The following ARMH1 variants were observed in gnomAD, a reference collection of about 807,000 sequenced individuals.
ARMH1 encodes the protein armadillo-like helical domain containing protein 1.
A neutral mutation model predicts 50.2 loss-of-function variants in ARMH1; 34 were observed. The observed-to-expected ratio is 0.68, with a 90% CI of 0.51 to 0.90. The LOEUF is 0.90. ARMH1 is among the 40% of genes least tolerant of loss of function. The pLI is 0.00. For synonymous variants in ARMH1, 221 were observed against 224.2 expected, an observed-to-expected ratio of 0.99 and a Z score of 0.13; for missense variants, 538 against 553.9, an observed-to-expected ratio of 0.97 and a Z score of 0.29.
intron 6 of ARMH1, among the ~76,000 whole-genome samples, chr1:44,708,441 G>A (rs915311079): frequency 2.6e-5 from 4 of 152,178 alleles, no homozygotes; most frequent in African/African-American, 9.7e-5. Context: ...TATCTGTGAT[G>A]TGCCAAGAAC....
chr1:44,724,837 C>T lies in ARMH1; in HGVS notation c.1126C>T (p.Leu376=), dbSNP rs1648036975. ...GGGGGAGGAACTCTACCAGCTCTTC[C>T]TGGTAAGTGCGCCCTTCCTGCCCCG... ...CMGEELYQLF[L]SNAEDLYMKI... is the part of the protein sequence containing the mutation. Residue 376 remains leucine (L), a splice_region_variant and synonymous_variant, in exon 10 of 12, where the codon CTG becomes TTG. Coordinates refer to ENST00000535358, the MANE Select transcript of ARMH1 (RefSeq NM_001145636.2). This position sits in a 1 kb window ranked among gnomAD's most constrained non-coding sequence, Gnocchi z 6.4. 6.5e-7 allele frequency: 1 copy of T among 1,537,504 alleles called. No homozygotes were observed. The highest frequency in any genetic ancestry group is 2.4e-5 in the East Asian group (1 of 40,912).
intron 6 of ARMH1, among the ~76,000 whole-genome samples, chr1:44,717,139 G>A (rs757501416): frequency 1.3e-5 from 2 of 152,130 alleles, no homozygotes; most frequent in Non-Finnish European, 2.9e-5. Flanking sequence ...GTGAGCCACC[G>A]CGCCCGGCCT....
chr1:44,724,556 A>T lies in ARMH1; in HGVS notation c.938A>T (p.Asp313Val). 1 of 1,513,082 alleles carries T rather than the reference A, an allele frequency of 6.6e-7. No individual in the cohort carries two copies. 93.7% of individuals were successfully genotyped at this position (1,513,082 alleles called of 1,614,324 possible). Reference sequence around the variant, plus strand: ...CGGCCCAGGGTCCTGGCGCGCAACGACATGAGCATCGCCGAGGAGCTGCTG... The same window carrying T: ...CGGCCCAGGGTCCTGGCGCGCAACGTCATGAGCATCGCCGAGGAGCTGCTG... ...AKAIGVLARN[D>V]MSIAEELLYL... Residue 313 changes from aspartate to valine, a missense_variant, in exon 9 of 12, where the codon GAC (aspartate) becomes GTC (valine). By Grantham distance (152) the Asp-to-Val change is radical. Coordinates refer to ENST00000535358, the MANE Select transcript of ARMH1 (RefSeq NM_001145636.2). This position sits in a 1 kb window ranked among gnomAD's most constrained non-coding sequence, Gnocchi z 6.4.
At chr1:44,708,759 G>C (rs567115455) in intron 6 of ARMH1, among the ~76,000 whole-genome samples, 1 of 152,254 alleles carries the variant, frequency 6.6e-6, no homozygotes, top group East Asian at 1.9e-4. Context: ...CCACCAACCT[G>C]CCTGACCAGT....
At chr1:44,718,532 GC>G (rs1449873603) in intron 6 of ARMH1, among the ~76,000 whole-genome samples, 2 of 152,198 alleles carry the variant, frequency 1.3e-5, no homozygotes, top group Non-Finnish European at 2.9e-5. Flanking sequence ...TTTGGGGGAA[GC>G]CAGGGAAGCT....
chr1:44,685,419 C>T (rs532715694), intron 1 of ARMH1, among the ~76,000 whole-genome samples: 5 of 151,472 alleles, frequency 3.3e-5, no homozygotes, highest in African/African-American at 1.2e-4. Context: ...GATCTTCCCA[C>T]CTCAGCCACC....
At chr1:44,721,954 C>G (rs988141155) in intron 6 of ARMH1, 12 of 152,210 alleles carry the variant, frequency 7.9e-5, no homozygotes, top group South Asian at 2.1e-4. Context: ...TCTCCCTCTA[C>G]TTACGGTGCC....
rs1648023062 is a variant in ARMH1 at position 44,724,775 on chromosome 1, T to C, written c.1064T>C (p.Met355Thr). 1 of 1,544,144 alleles carries C rather than the reference T, an allele frequency of 6.5e-7. No individual in the cohort carries two copies. The highest frequency in any genetic ancestry group is 8.7e-7 in the Non-Finnish European group (1 of 1,146,692). The change falls in exon 10 of 12, where the codon ATG (methionine) becomes ACG (threonine). Residue 355 changes from methionine to threonine, a missense_variant. By Grantham distance (81) the Met-to-Thr change is moderately conservative. Coordinates refer to ENST00000535358, the MANE Select transcript of ARMH1 (RefSeq NM_001145636.2). This position sits in a 1 kb window ranked among gnomAD's most constrained non-coding sequence, Gnocchi z 6.4. ...CGCGCGGCGCAGTGCTTCGTGCAGA[T>C]GTTCCCCTTGGTGGCGGAGCACGTG... Reference protein sequence around the residue: ...ASLTLECFVQMFPLVAEHVRK... With the variant: ...ASLTLECFVQTFPLVAEHVRK...
At chr1:44,713,097 CTT>C (rs538780455) in intron 6 of ARMH1, among the ~76,000 whole-genome samples, 45 of 118,836 alleles carry the variant, frequency 3.8e-4, no homozygotes, top group African/African-American at 9.5e-4. Context: ...TGCGCCCGGC[CTT>C]TTTTTTTTTT....
intron 1 of ARMH1, among the ~76,000 whole-genome samples, chr1:44,686,002 T>C (rs561626292): frequency 1.3e-5 from 2 of 152,298 alleles, no homozygotes; most frequent in South Asian, 4.2e-4. Context: ...TTTTAGACTT[T>C]CCAGGACAAA....
chr1:44,699,155 G>A (rs1645938725), intron 4 of ARMH1, among the ~76,000 whole-genome samples: 2 of 151,904 alleles, frequency 1.3e-5, no homozygotes, highest in Admixed American at 6.6e-5. Flanking sequence ...ATGGTGGCAC[G>A]CACCTGTAAT....
intron 6 of ARMH1, chr1:44,721,707 T>A (rs930583007): frequency 6.6e-6 from 1 of 152,032 alleles, no homozygotes; most frequent in African/African-American, 2.4e-5. Flanking sequence ...ACAACCTGGG[T>A]GACATTTGTG....
intron 6 of ARMH1, among the ~76,000 whole-genome samples, chr1:44,711,674 T>C (rs1349262902): frequency 1.3e-5 from 2 of 152,246 alleles, no homozygotes; most frequent in Non-Finnish European, 2.9e-5. Context: ...ATTCATTTAC[T>C]TATTCAAAAA....
chr1:44,725,510 G>T lies in ARMH1; in HGVS notation c.*107G>T. 1 of 1,131,820 alleles carries T rather than the reference G, an allele frequency of 8.8e-7. No homozygotes were observed. The highest frequency in any genetic ancestry group is 1.4e-5 in the South Asian group (1 of 71,268). 70.1% of individuals were successfully genotyped at this position (1,131,820 alleles called of 1,614,324 possible). On this transcript the variant is annotated 3_prime_UTR_variant, in exon 12 of 12. Coordinates refer to ENST00000535358, the MANE Select transcript of ARMH1 (RefSeq NM_001145636.2). ...GAGCCACTCCACTTGGCTCCAGGGG[G>T]GAGACGGGGATTAGGCATCCCAGAG...
At position 44,681,150 on chromosome 1, in the gene ARMH1, A is replaced by G. The variant is rs1276587613; in HGVS notation, c.-23+6277A>G. On this transcript the variant is annotated intron_variant, in intron 1 of 11. Coordinates refer to ENST00000535358, the MANE Select transcript of ARMH1 (RefSeq NM_001145636.2). This position sits in a 1 kb window ranked among gnomAD's most constrained non-coding sequence, Gnocchi z 4.3. ...GCTGGGACTGCAGGCGTCCACCACC[A>G]TGCCCGGCTAACTTTTTGTATTTTT... Among the ~76,000 whole-genome samples the G allele has an allele frequency of 1.3e-5, 2 of 151,062 alleles. No homozygotes were observed. Among genetic ancestry groups the G allele is most frequent in the Admixed American group, 1.3e-4 (2 of 15,172 alleles).
At chr1:44,696,006 T>C (rs970771844) in intron 2 of ARMH1, among the ~76,000 whole-genome samples, 2 of 150,066 alleles carry the variant, frequency 1.3e-5, no homozygotes, top group African/African-American at 4.9e-5. Context: ...GAAACAAAAG[T>C]TGGCCAGCCT....
chr1:44,713,795 CGGACT>C (rs1646724265), intron 6 of ARMH1, among the ~76,000 whole-genome samples: 1 of 152,154 alleles, frequency 6.6e-6, no homozygotes, highest in Non-Finnish European at 1.5e-5. Flanking sequence ...CATCAGTACA[CGGACT>C]GGTTGGGCTG....
At chr1:44,692,895 C>G (rs1485846982) in intron 2 of ARMH1, 1 of 152,030 alleles carries the variant, frequency 6.6e-6, no homozygotes, top group Non-Finnish European at 1.5e-5. Context: ...CCACCACACT[C>G]AGCTAATTTT....
At chr1:44,718,675 C>CCT (rs1277510813) in intron 6 of ARMH1, among the ~76,000 whole-genome samples, 1 of 152,148 alleles carries the variant, frequency 6.6e-6, no homozygotes, top group African/African-American at 2.4e-5. Context: ...GCGAGGGCTA[C>CCT]CTTAGAAGAC....
Sources: allele counts gnomAD v4.1 joint callset (sites outside exome capture counted in the v4.1 genomes callset), GRCh38; gene constraint gnomAD v4.1.1; non-coding constraint Gnocchi (gnomAD v3.1); transcripts MANE v1.5; gene names NCBI Gene and HGNC (gene_info 2026-07-23, HGNC 2026-07-21).